Variants in AXDND1 observed in about 807,000 individuals in gnomAD.
AXDND1 encodes axonemal dynein light chain domain-containing protein 1.
In AXDND1, 110 loss-of-function variants were observed where a neutral mutation model predicts 137.5. The observed-to-expected ratio is 0.80, with a 90% CI of 0.69 to 0.94. The LOEUF (loss-of-function observed/expected upper bound fraction) is 0.94. AXDND1 is among the 40% of genes least tolerant of loss of function. The probability of loss-of-function intolerance (pLI) is 0.00; values close to 1 mark genes in which losing one functional copy is unlikely to be tolerated. For synonymous variants in AXDND1, 414 were observed against 399.7 expected (o/e 1.04, Z -0.43); for missense variants, 1,191 against 1,169.8 (o/e 1.02, Z -0.26).
chr1:179,373,681 C>T lies in AXDND1; in HGVS notation c.374+3603C>T, dbSNP rs1412234853. ...CCTCCGAAATAACACCACACATTTA[C>T]AACCATCTGATCTTTGACAAACCTG... On this transcript the variant is annotated intron_variant, in intron 4 of 25. Coordinates refer to ENST00000367618, the MANE Select transcript of AXDND1 (RefSeq NM_144696.6). Among the ~76,000 whole-genome samples, 8 of 152,284 alleles carry T rather than the reference C, an allele frequency of 5.3e-5. No individual in the cohort carries two copies. In the East Asian group the frequency reaches 1.5e-3, roughly 29 times the overall value.
At chr1:179,466,349 C>G (rs867661308) in intron 16 of AXDND1, among the ~76,000 whole-genome samples, 40 of 132,440 alleles carry the variant, frequency 3.0e-4, no homozygotes, top group African/African-American at 9.4e-4. Context: ...TGGTCTTGAA[C>G]TCCTAAGCTC....
At chr1:179,492,255 A>T (rs550020270) in intron 19 of AXDND1, among the ~76,000 whole-genome samples, 1 of 152,104 alleles carries the variant, frequency 6.6e-6, no homozygotes, top group South Asian at 2.1e-4. Context: ...TTGTATTTTT[A>T]GTAGAGGTAG....
intron 12 of AXDND1, among the ~76,000 whole-genome samples, chr1:179,419,248 T>G (rs1233038358): frequency 6.6e-6 from 1 of 151,888 alleles, no homozygotes; most frequent in African/African-American, 2.4e-5. Flanking sequence ...CTCGGCTCTT[T>G]GGGAGGCCAA....
rs191773059 is a variant in AXDND1 at position 179,553,943 on chromosome 1, C to T, written c.3032-569C>T. Among the ~76,000 whole-genome samples the T allele has an allele frequency of 4.4e-3, 635 of 142,826 alleles. 4 individuals carry two copies. Among genetic ancestry groups the T allele is most frequent in the Non-Finnish European group, 4.3e-3 (286 of 66,612 alleles). 93.7% of individuals were successfully genotyped at this position (142,826 alleles called of 152,430 possible). ...TTTTTTTTTTTTTGAGATCGAGTCT[C>T]GCTCTGTGGTCGTGGCTGAAGCACA... On this transcript the variant is annotated intron_variant, in intron 25 of 25. Coordinates refer to ENST00000367618, the MANE Select transcript of AXDND1 (RefSeq NM_144696.6).
rs142167920 is a variant in AXDND1 at position 179,503,617 on chromosome 1, A to T, written c.2389-5679A>T. ...TGGGCACAATGTGCAGGTTTGTTAC[A>T]TATGTACACATGTGCCATGTTGGTG... On this transcript the variant is annotated intron_variant, in intron 20 of 25. Coordinates refer to ENST00000367618, the MANE Select transcript of AXDND1 (RefSeq NM_144696.6). 8.7e-3 allele frequency among the ~76,000 whole-genome samples: 1,321 copies of T among 151,964 alleles called. 41 individuals carry two copies. The highest frequency in any genetic ancestry group is 0.056 in the Admixed American group (853 of 15,256).
chr1:179,438,139 G>A (rs1387056528), intron 15 of AXDND1, among the ~76,000 whole-genome samples: 2 of 148,734 alleles, frequency 1.3e-5, no homozygotes, highest in Non-Finnish European at 3.0e-5. Context: ...GCCACAGAGT[G>A]AGACTCCATC....
intron 16 of AXDND1, chr1:179,449,253 G>A: frequency 2.6e-6 from 1 of 389,156 alleles, no homozygotes; most frequent in Admixed American, 3.0e-5. Context: ...TGGATGTTCA[G>A]TTGTCCTAGC....
At chr1:179,370,695 C>G (rs1048262269) in intron 4 of AXDND1, among the ~76,000 whole-genome samples, 1 of 152,220 alleles carries the variant, frequency 6.6e-6, no homozygotes, top group Non-Finnish European at 1.5e-5. Context: ...GTCCACTTAT[C>G]AATTTACTCC....
chr1:179,522,673 T>C (rs892409559), intron 21 of AXDND1, among the ~76,000 whole-genome samples: 1 of 151,748 alleles, frequency 6.6e-6, no homozygotes, highest in Non-Finnish European at 1.5e-5. Context: ...TTAAAATGTT[T>C]ATAGATGCAA....
At chr1:179,535,152 A>G (rs1329957168) in intron 25 of AXDND1, 190 bp downstream of exon 25, 1 of 749,246 alleles carries the variant, frequency 1.3e-6, no homozygotes, top group Non-Finnish European at 2.1e-6. Context: ...GGAAAACCAA[A>G]TGAATAACAA....
intron 16 of AXDND1, among the ~76,000 whole-genome samples, chr1:179,459,440 G>A (rs1277584978): frequency 6.6e-6 from 1 of 152,054 alleles, no homozygotes; most frequent in Non-Finnish European, 1.5e-5. Flanking sequence ...TCATGAAAAA[G>A]TTTAAAATTG....
intron 21 of AXDND1, among the ~76,000 whole-genome samples, chr1:179,523,961 A>G (rs1029327434): frequency 2.6e-5 from 4 of 152,080 alleles, no homozygotes; most frequent in Non-Finnish European, 4.4e-5. Flanking sequence ...AACGTACAAT[A>G]TTTGGTTTTC....
chr1:179,467,050 C>G (rs1024832980), intron 16 of AXDND1, among the ~76,000 whole-genome samples: 1 of 152,166 alleles, frequency 6.6e-6, no homozygotes, highest in East Asian at 1.9e-4. Context: ...ATTTTGTCCA[C>G]CACCCGACCC....
intron 21 of AXDND1, among the ~76,000 whole-genome samples, chr1:179,523,798 G>A (rs1670290569): frequency 6.6e-6 from 1 of 151,802 alleles, no homozygotes; most frequent in Admixed American, 6.6e-5. Flanking sequence ...CTCAGATTTT[G>A]GTGCACCCAT....
At chr1:179,548,700 G>A (rs1354893253) in intron 25 of AXDND1, 1 of 152,174 alleles carries the variant, frequency 6.6e-6, no homozygotes, top group Non-Finnish European at 1.5e-5. Context: ...ATCCAGACAT[G>A]GTCCCCAAGG....
intron 17 of AXDND1, among the ~76,000 whole-genome samples, chr1:179,473,610 C>T (rs1664240990): frequency 6.6e-6 from 1 of 152,138 alleles, no homozygotes; most frequent in Non-Finnish European, 1.5e-5. Context: ...ATTTTATGCA[C>T]ATTACATCTC....
At chr1:179,441,224 A>G (rs762480648) in intron 15 of AXDND1, among the ~76,000 whole-genome samples, 11 of 152,202 alleles carry the variant, frequency 7.2e-5, no homozygotes, top group Non-Finnish European at 1.6e-4. Context: ...TACAGCAAGG[A>G]CAAAGTCCTG....
At chr1:179,509,963 A>G (rs1167067363) in intron 21 of AXDND1, among the ~76,000 whole-genome samples, 1 of 152,162 alleles carries the variant, frequency 6.6e-6, no homozygotes, top group Non-Finnish European at 1.5e-5. Flanking sequence ...CTCTAGAACT[A>G]CTATAAGGTC....
intron 20 of AXDND1, among the ~76,000 whole-genome samples, chr1:179,499,206 TG>T (rs1667756206): frequency 6.6e-6 from 1 of 152,056 alleles, no homozygotes; most frequent in African/African-American, 2.4e-5. Context: ...GTCCATCAAT[TG>T]CGACTAGATA....
Sources: gnomAD v4.1 joint callset for allele counts (sites outside exome capture counted in the v4.1 genomes callset) on GRCh38, gnomAD v4.1.1 for gene constraint, MANE v1.5 for transcripts, NCBI Gene and HGNC (gene_info 2026-07-23, HGNC 2026-07-21) for gene names.